XPO5: variants seen among roughly 807,000 people sequenced by gnomAD.
The protein encoded by XPO5 is exportin-5.
XPO5 carries 46 observed loss-of-function variants against 160.6 expected under a neutral mutation model. That is an observed-to-expected ratio of 0.29 (90% CI 0.23 to 0.37). The LOEUF is 0.37. XPO5 is among the 10% of genes least tolerant of loss of function. The probability of loss-of-function intolerance (pLI) is 1.00; values close to 1 mark genes in which losing one functional copy is unlikely to be tolerated. For synonymous variants in XPO5, 537 were observed against 519.3 expected, an observed-to-expected ratio of 1.03 and a Z score of -0.46; for missense variants, 1,090 against 1,463.9, an observed-to-expected ratio of 0.74 and a Z score of 4.17.
intron 9 of XPO5, chr6:43,561,406 TCTCA>T (rs1171469492): frequency 6.1e-6 from 1 of 164,194 alleles, no homozygotes; most frequent in African/African-American, 2.4e-5. Context: ...TTAGATGGAG[TCTCA>T]CTCTGTTGCT....
chr6:43,555,907 G>C lies in XPO5; in HGVS notation c.1370C>G (p.Thr457Ser). The C allele has an allele frequency of 6.2e-7, 1 of 1,614,002 alleles. No individual in the cohort carries two copies. The highest frequency in any genetic ancestry group is 8.5e-7 in the Non-Finnish European group (1 of 1,179,884). ...MRLACRLDPK[T>S]SFQMAGEWLK... ...CCACTCCCCAGCCATCTGGAAGCTA[G>C]TTTTGGGATCCAAACGACATGCCAA... Residue 457 changes from threonine to serine, a missense_variant, in exon 13 of 32, where the codon ACT becomes AGT. Around this residue, in one of 3 missense-constraint regions of XPO5, gnomAD observed 810 missense variants for 1,139.0 expected, o/e 0.71. Transcript: ENST00000265351.
At chr6:43,546,477 C>A (rs1454909461) in intron 20 of XPO5, 94 bp downstream of exon 20, 3 of 1,245,080 alleles carry the variant, frequency 2.4e-6, no homozygotes, top group Admixed American at 3.2e-5. Context: ...CTCATTAATA[C>A]CACTAAGATA....
At position 43,525,885 on chromosome 6, in the gene XPO5, G is replaced by A. The variant is rs758822434; in HGVS notation, c.3020C>T (p.Ala1007Val). 6.2e-7 allele frequency: 1 copy of A among 1,614,028 alleles called. No homozygotes were observed. The highest frequency in any genetic ancestry group is 1.1e-5 in the South Asian group (1 of 91,082). The part of the protein sequence containing the change: ...EMMATEVTPS[A>V]MAELTDLGKC... ...GCCCAGGTCTGTAAGCTCTGCCATA[G>A]CTGAGGGGGTGACCTCTGTGGCCAT... The change falls in exon 28 of 32, where the codon GCT becomes GTT. Residue 1007 changes from alanine (A) to valine (V), a missense_variant. Around this residue, in one of 3 missense-constraint regions of XPO5, gnomAD observed 810 missense variants for 1,139.0 expected, o/e 0.71. Transcript: ENST00000265351.
intron 20 of XPO5, 52 bp downstream of exon 20, chr6:43,546,512 TTTTGAAA>T (rs1233756299): frequency 6.5e-7 from 1 of 1,528,370 alleles, no homozygotes. Context: ...CAGACTAAAC[TTTTGAAA>T]TTTTTAAGGT....
intron 20 of XPO5, among the ~76,000 whole-genome samples, chr6:43,543,560 G>A (rs1397699782): frequency 1.3e-5 from 2 of 152,126 alleles, no homozygotes; most frequent in African/African-American, 4.8e-5. Flanking sequence ...GTTGCTTCTT[G>A]ATCTGAGTGC....
chr6:43,543,845 T>G (rs751815089), intron 20 of XPO5, among the ~76,000 whole-genome samples: 3 of 152,098 alleles, frequency 2.0e-5, no homozygotes, highest in Non-Finnish European at 4.4e-5. Context: ...CCTGGCTAAT[T>G]TTTGTATTTT....
rs1433000987 is a variant in XPO5 at position 43,573,410 on chromosome 6, T to A, written c.227+70A>T. On this transcript the variant is annotated intron_variant, in intron 2 of 31. Transcript: ENST00000265351. ...CTTCTCTACTCACCTAAACAGCATC[T>A]CTATAGGTTATATAAGATATAAAGA... is the stretch of plus-strand genomic sequence containing the variant. 4 of 1,587,494 alleles carry A rather than the reference T, an allele frequency of 2.5e-6. No individual in the cohort carries two copies. The Admixed American group carries it at 5.2e-5, about 21-fold the overall frequency.
At position 43,572,327 on chromosome 6, in the gene XPO5, T is replaced by A. The variant is rs545551626; in HGVS notation, c.300+179A>T. 7.9e-5 allele frequency among the ~76,000 whole-genome samples: 12 copies of A among 152,344 alleles called. No homozygotes were observed. The South Asian group carries it at 2.5e-3, about 32-fold the overall frequency. On this transcript the variant is annotated intron_variant, in intron 3 of 31. Transcript: ENST00000265351. ...CTTAGATGCAGGTGATCCTCTTACC[T>A]TGGCTTCCCAAAGCGCTAGAATTAC...
At position 43,575,960 on chromosome 6, in the gene XPO5, G is replaced by A. The variant is rs1393060934; in HGVS notation, c.-96C>T. The A allele has an allele frequency of 7.4e-6, 9 of 1,215,166 alleles. No homozygotes were observed. Among genetic ancestry groups the A allele is most frequent in the Non-Finnish European group, 1.1e-5 (9 of 855,206 alleles). 75.3% of individuals were successfully genotyped at this position (1,215,166 alleles called of 1,614,324 possible). On this transcript the variant is annotated 5_prime_UTR_variant, in exon 1 of 32. Transcript: ENST00000265351. The stretch of plus-strand genomic sequence containing the variant: ...CGAGACCACCCGTTGGTACCGGGCC[G>A]CGGCGGGCGGCGGGGGTGGGAAGCT...
Position 43,573,804 on chromosome 6 carries a change from A to AATATATAT in XPO5, c.106-211_106-204dup, listed in dbSNP as rs57760552. ...ACATGGCGAAACCCCATCTCTATTA[A>AATATATAT]ATATATATATATATATATATTTTTT... is the stretch of plus-strand genomic sequence containing the variant. On this transcript the variant is annotated intron_variant, in intron 1 of 31. Transcript: ENST00000265351. 7.8e-4 allele frequency among the ~76,000 whole-genome samples: 91 copies of AATATATAT among 117,162 alleles called. 1 individual carries two copies. The highest frequency in any genetic ancestry group is 2.6e-3 in the African/African-American group (83 of 31,424). The allele number at this position is 117,162 out of a possible 152,430, so 76.9% of individuals were successfully genotyped here.
chr6:43,563,108 A>G (rs1194225122), intron 8 of XPO5, among the ~76,000 whole-genome samples: 2 of 152,114 alleles, frequency 1.3e-5, no homozygotes, highest in African/African-American at 4.8e-5. Context: ...GAAACATGTT[A>G]TCAAGAAATG....
At chr6:43,568,558 A>C (rs1359732760) in intron 6 of XPO5, among the ~76,000 whole-genome samples, 153 bp downstream of exon 6, 1 of 151,964 alleles carries the variant, frequency 6.6e-6, no homozygotes, top group Non-Finnish European at 1.5e-5. Context: ...GTGAGCTGAG[A>C]CCACACAACT....
At position 43,534,748 on chromosome 6, in the gene XPO5, A is replaced by G. The variant is rs575906004; in HGVS notation, c.2343-741T>C. ...CTCGGTGGCTCACGCCTATAATCCC[A>G]GTACTTTGGGAGGCCGAGGCTGGCG... On this transcript the variant is annotated intron_variant, in intron 20 of 31. Transcript: ENST00000265351. Among the ~76,000 whole-genome samples the G allele has an allele frequency of 2.8e-3, 425 of 152,304 alleles. 2 individuals are homozygous for G. The highest frequency in any genetic ancestry group is 9.4e-3 in the African/African-American group (390 of 41,572).
At chr6:43,529,164 C>T in intron 23 of XPO5, 1 of 1,469,684 alleles carries the variant, frequency 6.8e-7, no homozygotes, top group Non-Finnish European at 9.2e-7. Flanking sequence ...ATTATGGTCA[C>T]TGGCCCAAAA....
At chr6:43,539,840 T>G (rs1274776090) in intron 20 of XPO5, 1 of 521,978 alleles carries the variant, frequency 1.9e-6, no homozygotes, top group Non-Finnish European at 3.3e-6. Flanking sequence ...TTTGGTCTAA[T>G]TTAACTACTA....
At chr6:43,548,113 C>CA in intron 18 of XPO5, 148 bp downstream of exon 18, 2 of 828,062 alleles carry the variant, frequency 2.4e-6, no homozygotes, top group Non-Finnish European at 3.6e-6. Flanking sequence ...GATTAAATTA[C>CA]AAAAGACTGC....
chr6:43,553,649 C>A, intron 13 of XPO5, 146 bp from the exon 14 acceptor site: 1 of 1,400,010 alleles, frequency 7.1e-7, no homozygotes, highest in Non-Finnish European at 9.3e-7. Context: ...AATCTAACCC[C>A]TCTCAGCTGG....
intron 6 of XPO5, 52 bp from the exon 7 acceptor site, chr6:43,567,406 G>A: frequency 2.7e-6 from 4 of 1,502,988 alleles, no homozygotes; most frequent in Non-Finnish European, 3.6e-6. Flanking sequence ...AACAGGTAAG[G>A]AATCAGTGGT....
At chr6:43,568,128 G>A (rs765558950) in intron 6 of XPO5, among the ~76,000 whole-genome samples, 18 of 151,688 alleles carry the variant, frequency 1.2e-4, no homozygotes, top group Non-Finnish European at 2.1e-4. Context: ...CTAACATGGT[G>A]AAACCCCGTC....
Sources: allele counts gnomAD v4.1 joint callset (sites outside exome capture counted in the v4.1 genomes callset), GRCh38; gene constraint gnomAD v4.1.1; regional missense constraint gnomAD v4.1.1; transcripts MANE v1.5; gene names NCBI Gene and HGNC (gene_info 2026-07-23, HGNC 2026-07-21).